The following IL1RAP variants were observed in gnomAD, a reference collection of about 807,000 sequenced individuals.
IL1RAP encodes interleukin 1 receptor accessory protein.
Under a neutral mutation model 60.7 loss-of-function variants are expected in IL1RAP, and 35 were observed. The ratio of observed to expected loss-of-function variants is 0.58; its 90% CI spans 0.44 to 0.76. IL1RAP has a LOEUF of 0.76. Ranked by LOEUF, IL1RAP falls within the 30% of genes least tolerant of loss-of-function variation. The probability of loss-of-function intolerance (pLI) is 0.00; values close to 1 mark genes in which losing one functional copy is unlikely to be tolerated. For synonymous variants in IL1RAP, 268 were observed against 250.9 expected, an observed-to-expected ratio of 1.07 and a Z score of -0.64; for missense variants, 572 against 693.9, an observed-to-expected ratio of 0.82 and a Z score of 1.97.
At chr3:190,592,432 A>G (rs977262204) in intron 3 of IL1RAP, among the ~76,000 whole-genome samples, 1 of 152,240 alleles carries the variant, frequency 6.6e-6, no homozygotes, top group African/African-American at 2.4e-5. Flanking sequence ...ACATAAACAC[A>G]TGATAATTCA....
At chr3:190,620,044 T>G (rs1354442322) in intron 5 of IL1RAP, among the ~76,000 whole-genome samples, 1 of 152,204 alleles carries the variant, frequency 6.6e-6, no homozygotes, top group Non-Finnish European at 1.5e-5. Flanking sequence ...GTTTTTGAAG[T>G]CACACTTTAG....
At chr3:190,555,563 G>A (rs539316731) in intron 1 of IL1RAP, among the ~76,000 whole-genome samples, 1 of 152,260 alleles carries the variant, frequency 6.6e-6, no homozygotes, top group Admixed American at 6.5e-5. Context: ...CCTTCAGCCT[G>A]GAACAGCCTT....
chr3:190,634,779 G>A (rs563316101), intron 9 of IL1RAP, among the ~76,000 whole-genome samples: 3 of 148,474 alleles, frequency 2.0e-5, no homozygotes, highest in Admixed American at 6.7e-5. Flanking sequence ...GCAGTGGCGC[G>A]ATCTCGGCTC....
intron 1 of IL1RAP, among the ~76,000 whole-genome samples, chr3:190,529,642 G>A (rs1370847922): frequency 1.4e-5 from 2 of 139,512 alleles, no homozygotes; most frequent in South Asian, 2.3e-4. Context: ...CCGAGATCGC[G>A]CCACTGCACT....
rs202070226 is a variant in IL1RAP, at chr3:190,645,841, A to G, written c.1344A>G (p.Gly448=). 5.6e-6 allele frequency: 9 copies of G among 1,611,818 alleles called. No homozygotes were observed. The highest frequency in any genetic ancestry group is 2.7e-5 in the African/African-American group (2 of 74,792). The change falls in exon 11 of 12, where the codon GGA becomes GGG. Residue 448 remains glycine, a splice_region_variant and synonymous_variant. Coordinates refer to ENST00000447382, the MANE Select transcript of IL1RAP (RefSeq NM_002182.4). Reference sequence around the variant, plus strand: ...TTGACCGAGACAGTCTGCCTGGGGGAAGTAGGTATTTCAGAGGAGTACAAA... The same window carrying G: ...TTGACCGAGACAGTCTGCCTGGGGGGAGTAGGTATTTCAGAGGAGTACAAA... The part of the protein sequence containing the change: ...CIFDRDSLPG[G]IVTDETLSFI...
chr3:190,615,640 T>C (rs1044315689), intron 5 of IL1RAP, among the ~76,000 whole-genome samples: 9 of 152,182 alleles, frequency 5.9e-5, no homozygotes, highest in African/African-American at 1.7e-4. Context: ...ATCTTTGTGG[T>C]TGTAACTTTC....
intron 9 of IL1RAP, among the ~76,000 whole-genome samples, chr3:190,634,947 C>A (rs1366608791): frequency 1.3e-5 from 2 of 152,110 alleles, no homozygotes; most frequent in African/African-American, 2.4e-5. Flanking sequence ...GATCTCCTGA[C>A]CTTGTGATCC....
chr3:190,654,128 A>G (rs554794816), downstream of IL1RAP, among the ~76,000 whole-genome samples: 5 of 152,030 alleles, frequency 3.3e-5, no homozygotes, highest in South Asian at 1.0e-3. Flanking sequence ...TTAAACAACA[A>G]TATTCCTATT....
chr3:190,627,253 T>A, intron 7 of IL1RAP, 70 bp from the exon 8 acceptor site: 1 of 1,187,204 alleles, frequency 8.4e-7, no homozygotes, highest in Non-Finnish European at 1.1e-6. Flanking sequence ...TTTGTCTTTG[T>A]TTTTTGTTTT....
At chr3:190,560,565 C>T (rs566308842) in intron 2 of IL1RAP, among the ~76,000 whole-genome samples, 1 of 152,252 alleles carries the variant, frequency 6.6e-6, no homozygotes, top group East Asian at 1.9e-4. Flanking sequence ...TATATGGGAT[C>T]AGGAAACTGA....
chr3:190,604,758 G>A (rs1730154410), intron 4 of IL1RAP, among the ~76,000 whole-genome samples: 1 of 152,148 alleles, frequency 6.6e-6, no homozygotes, highest in Admixed American at 6.5e-5. Flanking sequence ...GAACAGGGCA[G>A]AGAATAGAGC....
chr3:190,595,589 C>T (rs1024327995), intron 3 of IL1RAP, among the ~76,000 whole-genome samples: 3 of 152,270 alleles, frequency 2.0e-5, no homozygotes, highest in East Asian at 3.9e-4. Context: ...GTCAAACCAG[C>T]GTTCCTGTTT....
chr3:190,519,612 C>T (rs759243916), intron 1 of IL1RAP, among the ~76,000 whole-genome samples: 1 of 152,154 alleles, frequency 6.6e-6, no homozygotes, highest in Non-Finnish European at 1.5e-5. Context: ...TGTATCCTCA[C>T]ATCACACTAC....
chr3:190,580,364 C>G (rs190341122), intron 3 of IL1RAP, among the ~76,000 whole-genome samples: 1 of 152,254 alleles, frequency 6.6e-6, no homozygotes, highest in East Asian at 1.9e-4. Context: ...AGTGGGACTG[C>G]TGGATGAAAT....
intron 3 of IL1RAP, among the ~76,000 whole-genome samples, chr3:190,600,941 C>A (rs1729802853): frequency 6.6e-6 from 1 of 152,124 alleles, no homozygotes; most frequent in Admixed American, 6.6e-5. Context: ...TTCTCCTACT[C>A]TTGCAGTTAC....
intron 9 of IL1RAP, among the ~76,000 whole-genome samples, chr3:190,633,404 T>C (rs1291430917): frequency 6.6e-6 from 1 of 152,212 alleles, no homozygotes; most frequent in African/African-American, 2.4e-5. Flanking sequence ...TCACTTAGGC[T>C]GCAGTGCAGT....
chr3:190,640,456 C>T (rs541245274), intron 9 of IL1RAP, among the ~76,000 whole-genome samples: 117 of 152,292 alleles, frequency 7.7e-4, no homozygotes, highest in South Asian at 1.7e-3. Context: ...AGTCATAGGT[C>T]TCTGATTTAT....
intron 3 of IL1RAP, among the ~76,000 whole-genome samples, chr3:190,567,661 G>A (rs895933562): frequency 6.6e-6 from 1 of 152,108 alleles, no homozygotes; most frequent in African/African-American, 2.4e-5. Flanking sequence ...GGGATCACAG[G>A]TAATCATTTT....
exon 12 of IL1RAP, chr3:190,657,786 G>A (rs1472952304): frequency 6.6e-6 from 1 of 152,194 alleles, no homozygotes; most frequent in East Asian, 1.9e-4. Flanking sequence ...GCCGGGTGTG[G>A]TGGCTCATGC....
Sources: gnomAD v4.1 joint callset for allele counts (sites outside exome capture counted in the v4.1 genomes callset) on GRCh38, gnomAD v4.1.1 for gene constraint, MANE v1.5 for transcripts, NCBI Gene and HGNC (gene_info 2026-07-23, HGNC 2026-07-21) for gene names.